The following SPMIP8 variants were observed in gnomAD, a reference collection of about 807,000 sequenced individuals.
SPMIP8 encodes sperm microtubule inner protein 8.
At chr16:57,985,169 G>A in the SPMIP8 span, 20 of 1,477,306 alleles carry the variant, frequency 1.4e-5, no homozygotes, top group Admixed American at 1.5e-4. Flanking sequence ...CCTGGGGGGG[G>A]GCGGATGAGC....
the SPMIP8 span, among the ~76,000 whole-genome samples, chr16:57,977,608 T>G: frequency 7.0e-5 from 9 of 129,486 alleles, no homozygotes; most frequent in African/African-American, 1.9e-4. Flanking sequence ...GGAAGGGGAG[T>G]GGGAGGGTTG....
the SPMIP8 span, among the ~76,000 whole-genome samples, chr16:57,981,132 G>A: frequency 6.6e-6 from 1 of 152,076 alleles, no homozygotes; most frequent in Non-Finnish European, 1.5e-5. Context: ...TGTAATTCTA[G>A]CACTTTGGGG....
At chr16:57,981,168 G>A in the SPMIP8 span, among the ~76,000 whole-genome samples, 1 of 151,836 alleles carries the variant, frequency 6.6e-6, no homozygotes, top group South Asian at 2.1e-4. Flanking sequence ...ATCGCCTGAG[G>A]TCAGGAGTTC....
At chr16:57,983,433 T>C in the SPMIP8 span, among the ~76,000 whole-genome samples, 1 of 152,166 alleles carries the variant, frequency 6.6e-6, no homozygotes, top group Non-Finnish European at 1.5e-5. Flanking sequence ...GTATTTAACT[T>C]ATCAATCTTT....
the SPMIP8 span, among the ~76,000 whole-genome samples, chr16:57,980,531 T>C: frequency 3.2e-3 from 492 of 152,326 alleles, 3 homozygotes; most frequent in Middle Eastern, 0.044. Flanking sequence ...ATCAAAGGCA[T>C]AGCTGTGGCT....
the SPMIP8 span, among the ~76,000 whole-genome samples, chr16:57,977,407 C>CAAAAAAAAAAAAAAAAAAAAA: frequency 1.0e-5 from 1 of 99,832 alleles, no homozygotes; most frequent in Non-Finnish European, 2.0e-5. Flanking sequence ...GAGACTGTCT[C>CAAAAAAAAAAAAAAAAAAAAA]AAAAAAAAAA....
the SPMIP8 span, among the ~76,000 whole-genome samples, chr16:57,983,019 G>T: frequency 6.6e-6 from 1 of 152,142 alleles, no homozygotes; most frequent in African/African-American, 2.4e-5. Flanking sequence ...GACAGAGCGA[G>T]ACTCTGTCTC....
At chr16:57,987,183 G>T in the SPMIP8 span, 1 of 431,848 alleles carries the variant, frequency 2.3e-6, no homozygotes, top group Non-Finnish European at 4.1e-6. Flanking sequence ...AGGTATCAAT[G>T]GGAGAGAAGG....
chr16:57,978,013 G>T, the SPMIP8 span: 1 of 1,614,052 alleles, frequency 6.2e-7, no homozygotes, highest in East Asian at 2.2e-5. Context: ...GATGAGCACT[G>T]CCAGTCCACC....
the SPMIP8 span, among the ~76,000 whole-genome samples, chr16:57,980,310 T>C: frequency 9.0e-4 from 137 of 152,354 alleles, 1 homozygote; most frequent in African/African-American, 3.2e-3. Context: ...CATGGGCATA[T>C]TGAACAAACA....
chr16:57,979,949 TC>T, the SPMIP8 span, among the ~76,000 whole-genome samples: 1 of 151,998 alleles, frequency 6.6e-6, no homozygotes, highest in Non-Finnish European at 1.5e-5. Context: ...GTGCCTGTAA[TC>T]CCAGCTCCCA....
chr16:57,978,535 C>T, the SPMIP8 span, among the ~76,000 whole-genome samples: 1 of 150,928 alleles, frequency 6.6e-6, no homozygotes, highest in Non-Finnish European at 1.5e-5. Context: ...AGTGAGTCTC[C>T]GTCTCAAAAA....
the SPMIP8 span, among the ~76,000 whole-genome samples, chr16:57,979,352 C>T: frequency 2.2e-4 from 33 of 152,132 alleles, no homozygotes; most frequent in Admixed American, 1.8e-3. Flanking sequence ...GTGGGGAGGC[C>T]GTGGGGAAGG....
chr16:57,987,296 C>G, the SPMIP8 span: 1 of 1,257,468 alleles, frequency 8.0e-7, no homozygotes. Flanking sequence ...CACATAGAGG[C>G]TGGCTGGAAG....
At chr16:57,977,447 A>T in the SPMIP8 span, among the ~76,000 whole-genome samples, 3 of 151,490 alleles carry the variant, frequency 2.0e-5, no homozygotes, top group Non-Finnish European at 4.4e-5. Context: ...AGAAAAAAAA[A>T]CGAATAGACT....
the SPMIP8 span, chr16:57,987,305 A>T: frequency 1.5e-6 from 2 of 1,309,288 alleles, no homozygotes. Flanking sequence ...GCTGGCTGGA[A>T]GCTGTGTTTT....
chr16:57,978,621 G>T, the SPMIP8 span, among the ~76,000 whole-genome samples: 1 of 151,874 alleles, frequency 6.6e-6, no homozygotes, highest in Non-Finnish European at 1.5e-5. Context: ...TGTTATTGTT[G>T]TTTTGTTTTT....
chr16:57,983,989 G>A, the SPMIP8 span, among the ~76,000 whole-genome samples: 5 of 151,422 alleles, frequency 3.3e-5, no homozygotes, highest in African/African-American at 4.9e-5. Flanking sequence ...CTGAAGCTTC[G>A]ACCTCCTGGA....
the SPMIP8 span, chr16:57,976,632 T>C: frequency 1.2e-5 from 19 of 1,613,636 alleles, no homozygotes; most frequent in Non-Finnish European, 1.4e-5. Context: ...GTAGCTGCTA[T>C]TGGTGAGTCA....
Sources: allele counts gnomAD v4.1 joint callset (sites outside exome capture counted in the v4.1 genomes callset), GRCh38; gene constraint gnomAD v4.1.1; transcripts MANE v1.5; gene names NCBI Gene and HGNC (gene_info 2026-07-23, HGNC 2026-07-21).